The following ADK variants were observed in gnomAD, a reference collection of about 807,000 sequenced individuals.
The protein encoded by ADK is N6,N6-dimethyladenosine kinase.
Under a neutral mutation model 44.7 loss-of-function variants are expected in ADK, and 24 were observed. That is an observed-to-expected ratio of 0.54 (90% CI 0.39 to 0.76). The LOEUF is 0.76. ADK is among the 30% of genes least tolerant of loss of function. The pLI is 0.00. For synonymous variants in ADK, 128 were observed against 142.6 expected (o/e 0.90, Z 0.73); for missense variants, 321 against 425.1 (o/e 0.76, Z 2.15).
chr10:74,302,090 GTTT>G, intron 3 of ADK, among the ~76,000 whole-genome samples: 1 of 17,030 alleles, frequency 5.9e-5, no homozygotes, highest in Non-Finnish European at 1.1e-4. Flanking sequence ...TTTCTTTTCT[GTTT>G]TTTTTTTGTT....
At chr10:74,334,732 A>G (rs963844072) in intron 4 of ADK, among the ~76,000 whole-genome samples, 3 of 152,092 alleles carry the variant, frequency 2.0e-5, no homozygotes, top group African/African-American at 7.2e-5. Flanking sequence ...TCTGATCATA[A>G]GGCATTTACA....
chr10:74,300,511 G>A (rs1016032168), intron 3 of ADK, among the ~76,000 whole-genome samples: 2 of 151,850 alleles, frequency 1.3e-5, no homozygotes, highest in Non-Finnish European at 2.9e-5. Flanking sequence ...CAAGTAGCTG[G>A]GACTACAGCC....
At chr10:74,261,867 G>A (rs1261688572) in intron 3 of ADK, among the ~76,000 whole-genome samples, 5 of 151,466 alleles carry the variant, frequency 3.3e-5, no homozygotes, top group Middle Eastern at 3.4e-3. Context: ...TTCTGAGCAT[G>A]TAATGGGCCC....
At chr10:74,180,456 C>CTAT (rs1842500909) in intron 1 of ADK, among the ~76,000 whole-genome samples, 1 of 68,246 alleles carries the variant, frequency 1.5e-5, no homozygotes, top group Admixed American at 1.6e-4. Flanking sequence ...CCAGGCTAGT[C>CTAT]TTTTTTTTTT....
intron 9 of ADK, among the ~76,000 whole-genome samples, chr10:74,667,437 T>A (rs1338988697): frequency 6.6e-6 from 1 of 151,518 alleles, no homozygotes; most frequent in Non-Finnish European, 1.5e-5. Flanking sequence ...CAATGATGTG[T>A]GTGTGTGTAT....
chr10:74,155,785 A>G (rs1189978267), intron 1 of ADK, among the ~76,000 whole-genome samples: 18 of 151,888 alleles, frequency 1.2e-4, no homozygotes, highest in Admixed American at 1.1e-3. Context: ...CACCCGCCTC[A>G]GCCTCCCAAA....
At chr10:74,365,330 G>A (rs532143764) in intron 4 of ADK, among the ~76,000 whole-genome samples, 95 of 152,202 alleles carry the variant, frequency 6.2e-4, no homozygotes, top group Middle Eastern at 3.4e-3. Flanking sequence ...TTCTGTGTCC[G>A]TGGGTTTACC....
chr10:74,406,526 T>TAAGAAGAAGAAG (rs57627124), intron 6 of ADK, among the ~76,000 whole-genome samples: 1 of 136,126 alleles, frequency 7.3e-6, no homozygotes, highest in Non-Finnish European at 1.6e-5. Context: ...ATAATAATAA[T>TAAGAAGAAGAAG]AAGAAGAAGA....
chr10:74,270,765 G>A (rs534074823), intron 3 of ADK, among the ~76,000 whole-genome samples: 1 of 152,314 alleles, frequency 6.6e-6, no homozygotes, highest in Admixed American at 6.5e-5. Flanking sequence ...AAGACTAAGA[G>A]TTTGAGAATT....
intron 2 of ADK, among the ~76,000 whole-genome samples, chr10:74,218,761 C>A (rs1273314394): frequency 6.6e-6 from 1 of 152,120 alleles, no homozygotes; most frequent in African/African-American, 2.4e-5. Context: ...TCATATCCAG[C>A]CGAACTAAGC....
At chr10:74,360,594 A>G (rs1219806211) in intron 4 of ADK, among the ~76,000 whole-genome samples, 1 of 151,752 alleles carries the variant, frequency 6.6e-6, no homozygotes, top group Non-Finnish European at 1.5e-5. Context: ...ATCTAATAAT[A>G]TTTGCTTTAT....
chr10:74,591,144 A>T (rs1359260508), intron 8 of ADK, among the ~76,000 whole-genome samples: 1 of 152,098 alleles, frequency 6.6e-6, no homozygotes, highest in Non-Finnish European at 1.5e-5. Context: ...CTTGCTTTTC[A>T]TGTGCCTGGT....
At chr10:74,511,866 A>G (rs1848344603) in intron 6 of ADK, among the ~76,000 whole-genome samples, 1 of 152,102 alleles carries the variant, frequency 6.6e-6, no homozygotes, top group Non-Finnish European at 1.5e-5. Context: ...AGAGGGCATC[A>G]TTGTCTGTTC....
At chr10:74,253,298 A>T (rs531337873) in intron 3 of ADK, among the ~76,000 whole-genome samples, 1 of 152,356 alleles carries the variant, frequency 6.6e-6, no homozygotes, top group Admixed American at 6.5e-5. Context: ...AATAACATGC[A>T]GATTAAGGAG....
At chr10:74,278,775 C>T (rs988853301) in intron 3 of ADK, among the ~76,000 whole-genome samples, 5 of 152,184 alleles carry the variant, frequency 3.3e-5, no homozygotes, top group African/African-American at 4.8e-5. Flanking sequence ...TGGCCTCAAG[C>T]GATCTTCCCG....
At chr10:74,391,656 C>CAG (rs1843336047) in intron 4 of ADK, among the ~76,000 whole-genome samples, 2 of 47,836 alleles carry the variant, frequency 4.2e-5, no homozygotes, top group African/African-American at 9.3e-5. Flanking sequence ...AGAATATACA[C>CAG]ACACACACAC....
At chr10:74,655,023 C>A in intron 9 of ADK, 1 of 205,404 alleles carries the variant, frequency 4.9e-6, no homozygotes, top group South Asian at 7.8e-5. Context: ...CTGACTGGGG[C>A]CCAGGAGCTC....
At chr10:74,480,302 T>C (rs1310268479) in intron 6 of ADK, among the ~76,000 whole-genome samples, 2 of 151,644 alleles carry the variant, frequency 1.3e-5, no homozygotes, top group African/African-American at 4.8e-5. Flanking sequence ...GATCATACTT[T>C]ACTACAGCCT....
intron 9 of ADK, among the ~76,000 whole-genome samples, chr10:74,620,199 C>T (rs1289078274): frequency 6.6e-6 from 1 of 152,184 alleles, no homozygotes; most frequent in South Asian, 2.1e-4. Context: ...TGCTGTAGAA[C>T]ACTAGAATTT....
Sources: gnomAD v4.1 joint callset for allele counts (sites outside exome capture counted in the v4.1 genomes callset) on GRCh38, gnomAD v4.1.1 for gene constraint, MANE v1.5 for transcripts, NCBI Gene and HGNC (gene_info 2026-07-23, HGNC 2026-07-21) for gene names.